CDH4: variants seen among roughly 807,000 people sequenced by gnomAD.
CDH4 encodes cadherin 4.
A neutral mutation model predicts 86.0 loss-of-function variants in CDH4; 33 were observed. The observed-to-expected ratio is 0.38, with a 90% CI of 0.29 to 0.51. CDH4 has a LOEUF of 0.51. Among genes scored for constraint, CDH4 ranks in the 20% least tolerant of loss-of-function variants. CDH4 has a pLI of 0.86. For missense variants in CDH4, 1,114 were observed against 1,307.4 expected (o/e 0.85, Z 2.28); for synonymous variants, 555 against 549.4 (o/e 1.01, Z -0.14).
intron 4 of CDH4, among the ~76,000 whole-genome samples, chr20:61,837,765 C>G (rs1981946284): frequency 6.6e-6 from 1 of 152,062 alleles, no homozygotes; most frequent in Admixed American, 6.5e-5. Context: ...CAGAGCACCC[C>G]CCCCGTGGGT....
intron 2 of CDH4, among the ~76,000 whole-genome samples, chr20:61,617,154 CTG>C (rs2086731820): frequency 1.3e-5 from 2 of 152,212 alleles, no homozygotes; most frequent in African/African-American, 4.8e-5. Flanking sequence ...CCACCGCCCT[CTG>C]TGCTGCTGCC....
chr20:61,543,612 A>G (rs897878507), intron 2 of CDH4, among the ~76,000 whole-genome samples: 93 of 152,352 alleles, frequency 6.1e-4, no homozygotes, highest in African/African-American at 2.1e-3. Context: ...AACAAAGCTG[A>G]TGGCGCCTTT....
chr20:61,936,052 G>T (rs1041329271), intron 15 of CDH4, among the ~76,000 whole-genome samples: 3 of 152,000 alleles, frequency 2.0e-5, no homozygotes, highest in Non-Finnish European at 2.9e-5. Flanking sequence ...GGGCACTGAG[G>T]AGAGGACGGG....
At chr20:61,617,107 T>C (rs559933460) in intron 2 of CDH4, among the ~76,000 whole-genome samples, 1 of 152,350 alleles carries the variant, frequency 6.6e-6, no homozygotes, top group South Asian at 2.1e-4. Context: ...AGAGTCATCC[T>C]GCAGAGGCTC....
intron 8 of CDH4, among the ~76,000 whole-genome samples, chr20:61,909,129 A>G (rs1269169542): frequency 6.6e-6 from 1 of 152,204 alleles, no homozygotes; most frequent in African/African-American, 2.4e-5. Flanking sequence ...ACAGTGCCTC[A>G]TGCCAGGACA....
At chr20:61,459,125 A>G (rs2085427534) in intron 2 of CDH4, among the ~76,000 whole-genome samples, 1 of 151,924 alleles carries the variant, frequency 6.6e-6, no homozygotes, top group Admixed American at 6.5e-5. Flanking sequence ...TGGCCCCAGC[A>G]TGGTCTCTGC....
At chr20:61,693,136 C>T (rs1177950157) in intron 2 of CDH4, among the ~76,000 whole-genome samples, 1 of 152,110 alleles carries the variant, frequency 6.6e-6, no homozygotes, top group Non-Finnish European at 1.5e-5. Flanking sequence ...TCAGAGAGGC[C>T]AGTCACTTTC....
At chr20:61,707,684 C>T (rs1233495695) in intron 2 of CDH4, among the ~76,000 whole-genome samples, 1 of 152,192 alleles carries the variant, frequency 6.6e-6, no homozygotes, top group Non-Finnish European at 1.5e-5. Context: ...ACAATTTTTC[C>T]ATGGACCATG....
intron 2 of CDH4, among the ~76,000 whole-genome samples, chr20:61,460,758 T>C (rs867803526): frequency 6.6e-6 from 1 of 152,192 alleles, no homozygotes; most frequent in Non-Finnish European, 1.5e-5. Flanking sequence ...GCCGTGTGTG[T>C]TGAACTTGGC....
At chr20:61,458,374 G>A (rs1238050555) in intron 2 of CDH4, among the ~76,000 whole-genome samples, 1 of 140,684 alleles carries the variant, frequency 7.1e-6, no homozygotes, top group Admixed American at 6.8e-5. Flanking sequence ...GGTCATGGTG[G>A]TGATGGTATG....
In CDH4 at chr20:61,769,827, G is replaced by A. The variant is rs140410874; in HGVS notation, c.397-3176G>A. On this transcript the variant is annotated intron_variant, in intron 3 of 15. Transcript: ENST00000614565. ...GCGTTATTTCAAGCCACTTTGAGCA[G>A]TGGGATTAATCTGGTCTTTCTCATC... is the stretch of plus-strand genomic sequence containing the variant. Among the ~76,000 whole-genome samples, 16 of 152,358 alleles carry A rather than the reference G, an allele frequency of 1.1e-4. No homozygotes were observed. In the East Asian group the frequency reaches 3.1e-3, roughly 29 times the overall value.
chr20:61,585,601 G>A (rs1203897606), intron 2 of CDH4, among the ~76,000 whole-genome samples: 1 of 152,210 alleles, frequency 6.6e-6, no homozygotes, highest in Non-Finnish European at 1.5e-5. Context: ...GAACTTGGTG[G>A]AGCCATTTGA....
intron 2 of CDH4, among the ~76,000 whole-genome samples, chr20:61,405,447 T>C (rs1221186090): frequency 6.6e-6 from 1 of 152,010 alleles, no homozygotes; most frequent in African/African-American, 2.4e-5. Flanking sequence ...AAAGTAAAGA[T>C]AAAAACCAAA....
intron 2 of CDH4, among the ~76,000 whole-genome samples, chr20:61,590,350 C>T (rs555396285): frequency 2.6e-4 from 40 of 152,178 alleles, no homozygotes; most frequent in African/African-American, 7.9e-4. Context: ...CAGGGAGCTG[C>T]GATGGCCCAG....
intron 2 of CDH4, among the ~76,000 whole-genome samples, chr20:61,505,695 G>A (rs995428699): frequency 6.6e-6 from 1 of 151,764 alleles, no homozygotes; most frequent in Admixed American, 6.6e-5. Context: ...CATCCTGCCT[G>A]GCAAGCCACA....
intron 4 of CDH4, among the ~76,000 whole-genome samples, chr20:61,822,711 G>T (rs548794763): frequency 6.6e-6 from 1 of 152,188 alleles, no homozygotes; most frequent in Non-Finnish European, 1.5e-5. Flanking sequence ...AGTTTGGGGC[G>T]GGAAAAGGTC....
rs1044772612 is a variant in CDH4, at chr20:61,591,642, G to A, written c.170-151921G>A. Among the ~76,000 whole-genome samples, 3 of 152,336 alleles carry A rather than the reference G, an allele frequency of 2.0e-5. No individual in the cohort carries two copies. In the East Asian group the frequency reaches 5.8e-4, roughly 29 times the overall value. ...GCAGTTTCCTGTTTCTTAAACGTTA[G>A]TTGCAGCATGAAAGCTGAAGTCGTG... On this transcript the variant is annotated intron_variant, in intron 2 of 15. Transcript: ENST00000614565.
intron 2 of CDH4, among the ~76,000 whole-genome samples, chr20:61,555,307 C>A (rs149510758): frequency 6.6e-6 from 1 of 152,174 alleles, no homozygotes; most frequent in Non-Finnish European, 1.5e-5. Context: ...GGCGAGGATG[C>A]GGAGTGAAGC....
chr20:61,385,099 C>G (rs965123271), intron 2 of CDH4, among the ~76,000 whole-genome samples: 2 of 152,098 alleles, frequency 1.3e-5, no homozygotes, highest in Non-Finnish European at 2.9e-5. Context: ...TGAGTTTGAA[C>G]TTGGGGTTCT....
Sources: allele counts gnomAD v4.1 joint callset (sites outside exome capture counted in the v4.1 genomes callset), GRCh38; gene constraint gnomAD v4.1.1; transcripts MANE v1.5; gene names NCBI Gene and HGNC (gene_info 2026-07-23, HGNC 2026-07-21).